The following CSMD1 variants were observed in gnomAD, a reference collection of about 807,000 sequenced individuals.
The protein encoded by CSMD1 is CUB and Sushi multiple domains 1.
CSMD1 carries 213 observed loss-of-function variants against 417.5 expected under a neutral mutation model. The ratio of observed to expected loss-of-function variants is 0.51; its 90% CI spans 0.46 to 0.57. CSMD1 has a LOEUF of 0.57. CSMD1 is among the 20% of genes least tolerant of loss of function. The pLI is 0.00. For missense variants in CSMD1, 6,923 were observed against 4,529.7 expected, an observed-to-expected ratio of 1.53 and a Z score of -15.17; for synonymous variants, 2,862 against 1,736.8, an observed-to-expected ratio of 1.65 and a Z score of -16.11.
In CSMD1 at chr8:3,616,738, T is replaced by C; in HGVS notation, c.1069A>G (p.Asn357Asp). ...AAGTCGGAACCTGCTCTTCTACCAT[T>C]TTCTGGAATCCCAGGATCTGGACAC... ...DMCPDPGIPE[N>D]GRRAGSDFRV... Residue 357 changes from asparagine to aspartate, a missense_variant, in exon 8 of 70, where the codon AAT (asparagine) becomes GAT (aspartate). Asn to Asp is a conservative substitution (Grantham distance 23). Coordinates refer to ENST00000635120, the MANE Select transcript of CSMD1 (RefSeq NM_033225.6). 6.2e-7 allele frequency: 1 copy of C among 1,612,488 alleles called. No individual in the cohort carries two copies. The highest frequency in any genetic ancestry group is 8.5e-7 in the Non-Finnish European group (1 of 1,179,056).
At chr8:3,145,317 G>T (rs1329762528) in intron 40 of CSMD1, among the ~76,000 whole-genome samples, 1 of 152,134 alleles carries the variant, frequency 6.6e-6, no homozygotes, top group East Asian at 1.9e-4. Context: ...AAATGGCTGA[G>T]AATGTGCTCA....
intron 2 of CSMD1, among the ~76,000 whole-genome samples, chr8:4,601,445 T>A (rs1307321005): frequency 6.6e-6 from 1 of 152,168 alleles, no homozygotes; most frequent in Non-Finnish European, 1.5e-5. Flanking sequence ...ACAGGGATCA[T>A]CTCATCTGTT....
chr8:4,595,934 C>G (rs1800252029), intron 2 of CSMD1, among the ~76,000 whole-genome samples: 1 of 152,034 alleles, frequency 6.6e-6, no homozygotes, highest in Admixed American at 6.6e-5. Flanking sequence ...AAATCTTGCT[C>G]TTACTAAACT....
At chr8:4,474,943 G>C (rs1001077779) in intron 2 of CSMD1, among the ~76,000 whole-genome samples, 9 of 152,122 alleles carry the variant, frequency 5.9e-5, no homozygotes, top group Non-Finnish European at 8.8e-5. Flanking sequence ...TTGACGGTTT[G>C]TGTTATCTGT....
chr8:3,222,628 T>C (rs1798283844), intron 28 of CSMD1, among the ~76,000 whole-genome samples: 1 of 152,148 alleles, frequency 6.6e-6, no homozygotes, highest in South Asian at 2.1e-4. Context: ...AACCCATTTA[T>C]AATATCTTGA....
chr8:3,136,745 G>GTT (rs1210297196), intron 41 of CSMD1, among the ~76,000 whole-genome samples: 1 of 152,142 alleles, frequency 6.6e-6, no homozygotes, highest in African/African-American at 2.4e-5. Context: ...TTTCCTGAAA[G>GTT]TAACTGTGAA....
At chr8:4,166,273 A>C (rs1169179327) in intron 3 of CSMD1, among the ~76,000 whole-genome samples, 2 of 152,240 alleles carry the variant, frequency 1.3e-5, no homozygotes, top group African/African-American at 4.8e-5. Flanking sequence ...TAAAATACAT[A>C]AACATAAAAG....
At chr8:4,296,653 T>A (rs900284501) in intron 3 of CSMD1, among the ~76,000 whole-genome samples, 59 of 150,546 alleles carry the variant, frequency 3.9e-4, no homozygotes, top group Admixed American at 1.5e-3. Flanking sequence ...AACTCGTATG[T>A]GGAGGTCCCT....
intron 1 of CSMD1, among the ~76,000 whole-genome samples, chr8:4,824,483 G>A (rs1406650832): frequency 6.6e-6 from 1 of 152,076 alleles, no homozygotes; most frequent in African/African-American, 2.4e-5. Flanking sequence ...TAAAGAAATA[G>A]AATGGTTTTT....
intron 11 of CSMD1, among the ~76,000 whole-genome samples, chr8:3,493,127 C>G (rs1227114642): frequency 2.0e-5 from 3 of 151,802 alleles, no homozygotes; most frequent in Non-Finnish European, 1.5e-5. Context: ...ACGCCTGTCT[C>G]TAATAATAAT....
chr8:4,537,766 A>G (rs989478375), intron 2 of CSMD1, among the ~76,000 whole-genome samples: 1 of 152,148 alleles, frequency 6.6e-6, no homozygotes, highest in Non-Finnish European at 1.5e-5. Flanking sequence ...CTGGCCTCGA[A>G]TCACCAGGCA....
intron 1 of CSMD1, among the ~76,000 whole-genome samples, chr8:4,656,100 T>C (rs1409280450): frequency 1.3e-5 from 2 of 152,100 alleles, no homozygotes; most frequent in Middle Eastern, 3.4e-3. Flanking sequence ...GCTAGTCTTA[T>C]GGGGGCAAAG....
At chr8:3,508,326 G>A (rs932353660) in intron 10 of CSMD1, among the ~76,000 whole-genome samples, 49 of 148,202 alleles carry the variant, frequency 3.3e-4, no homozygotes, top group African/African-American at 1.2e-3. Flanking sequence ...TTGGACACAG[G>A]AAGGGGAACA....
intron 3 of CSMD1, among the ~76,000 whole-genome samples, chr8:4,406,969 C>T (rs116949306): frequency 0.012 from 1,817 of 152,180 alleles, 25 homozygotes; most frequent in Non-Finnish European, 0.015. Flanking sequence ...GTTTCCTAAA[C>T]GAGGAAAATG....
chr8:3,651,162 T>C (rs1297718320), intron 7 of CSMD1, among the ~76,000 whole-genome samples: 2 of 152,184 alleles, frequency 1.3e-5, no homozygotes, highest in African/African-American at 2.4e-5. Context: ...GTCTTTGTAC[T>C]TTCCCCTGGT....
intron 1 of CSMD1, among the ~76,000 whole-genome samples, chr8:4,692,099 C>A (rs1240481265): frequency 6.6e-6 from 1 of 152,126 alleles, no homozygotes; most frequent in African/African-American, 2.4e-5. Flanking sequence ...ATGCTGAATA[C>A]CCCTGGCACC....
chr8:3,933,533 G>C (rs1209573409), intron 5 of CSMD1, among the ~76,000 whole-genome samples: 4 of 152,108 alleles, frequency 2.6e-5, no homozygotes, highest in African/African-American at 9.7e-5. Context: ...AGGCCTTTGA[G>C]AAGAAAGAGA....
chr8:3,300,383 A>G (rs1188981971), intron 25 of CSMD1, among the ~76,000 whole-genome samples: 1 of 151,702 alleles, frequency 6.6e-6, no homozygotes, highest in Non-Finnish European at 1.5e-5. Flanking sequence ...GCAGCACTTT[A>G]TTATTTTAAA....
chr8:4,969,870 G>C (rs1182076742), intron 1 of CSMD1, among the ~76,000 whole-genome samples: 1 of 151,394 alleles, frequency 6.6e-6, no homozygotes, highest in Non-Finnish European at 1.5e-5. Flanking sequence ...AGGATATAGT[G>C]TCACTACGAG....
Sources: allele counts gnomAD v4.1 joint callset (sites outside exome capture counted in the v4.1 genomes callset), GRCh38; gene constraint gnomAD v4.1.1; transcripts MANE v1.5; gene names NCBI Gene and HGNC (gene_info 2026-07-23, HGNC 2026-07-21).